NKD2: variants seen among roughly 807,000 people sequenced by gnomAD.
The protein encoded by NKD2 is NKD inhibitor of Wnt signaling pathway 2, also known as protein naked cuticle homolog 2.
NKD2 carries 43 observed loss-of-function variants against 34.8 expected under a neutral mutation model. That is an observed-to-expected ratio of 1.24 (90% CI 0.97 to 1.60). The LOEUF (loss-of-function observed/expected upper bound fraction) is 1.60, where lower values mean the gene tolerates loss of function less well. Ranked by LOEUF, NKD2 falls within the 40% of genes most tolerant of loss-of-function variation. NKD2 has a pLI of 0.00. For missense variants in NKD2, 675 were observed against 627.1 expected, an observed-to-expected ratio of 1.08 and a Z score of -0.82; for synonymous variants, 278 against 265.1, an observed-to-expected ratio of 1.05 and a Z score of -0.47.
intron 3 of NKD2, among the ~76,000 whole-genome samples, chr5:1,014,373 G>A (rs1029364333): frequency 2.0e-5 from 3 of 152,216 alleles, no homozygotes; most frequent in African/African-American, 4.8e-5. Flanking sequence ...ACGCACACGC[G>A]ACTCCTGGGA....
At chr5:1,028,493 C>A (rs1010373375) in intron 3 of NKD2, among the ~76,000 whole-genome samples, 1 of 152,094 alleles carries the variant, frequency 6.6e-6, no homozygotes, top group Admixed American at 6.5e-5. Context: ...GGGATGAGGC[C>A]CCACGGGGCA....
intron 5 of NKD2, 84 bp downstream of exon 5, chr5:1,033,583 G>T (rs866469868): frequency 1.4e-6 from 2 of 1,437,842 alleles, no homozygotes; most frequent in Middle Eastern, 3.8e-4. Context: ...CCTAAACTGG[G>T]CATCTGTGGA....
At position 1,009,145 on chromosome 5, in the gene NKD2, C is replaced by T. The variant is rs1479492401; in HGVS notation, c.26-34C>T. On this transcript the variant is annotated intron_variant, in intron 1 of 9. Coordinates refer to ENST00000296849, the MANE Select transcript of NKD2 (RefSeq NM_033120.4). This position sits in a 1 kb window ranked among gnomAD's most constrained non-coding sequence, Gnocchi z 6.9. The stretch of plus-strand genomic sequence containing the variant: ...CGGGCGTGGGGCCGCCTCTCACTGT[C>T]GTTTTCCTCTCCCCGCGTCCCGCCG... The T allele has an allele frequency of 3.7e-6, 2 of 546,428 alleles. No homozygotes were observed. The highest frequency in any genetic ancestry group is 6.5e-6 in the Non-Finnish European group (2 of 305,742). The allele number at this position is 546,428 out of a possible 1,614,324, so 33.8% of individuals were successfully genotyped here. A position where few individuals can be genotyped will look rare whatever the true frequency, so the allele number is the denominator to read the frequency against.
chr5:1,009,535 C>G lies in NKD2; in HGVS notation c.116C>G (p.Ala39Gly). ...AGCGGCCGCAAAGGCGCGGAGGAAG[C>G]GGAGCGGCGCGCGCGGGACAAGCAG... ...YASGRKGAEEAERRARDKQEL... is the reference protein window; with the variant it reads ...YASGRKGAEEGERRARDKQEL... The change falls in exon 3 of 10, where the codon GCG (alanine) becomes GGG (glycine). Residue 39 changes from alanine (A) to glycine (G), a missense_variant. Ala to Gly is a moderately conservative substitution (Grantham distance 60, BLOSUM62 0). Transcript: ENST00000296849. The surrounding 1 kb of genome is among the most constrained non-coding windows in gnomAD (Gnocchi z 6.9). 1 of 1,492,306 alleles carries G rather than the reference C, an allele frequency of 6.7e-7. No individual in the cohort carries two copies. Among genetic ancestry groups the G allele is most frequent in the Non-Finnish European group, 8.8e-7 (1 of 1,130,008 alleles). The allele number at this position is 1,492,306 out of a possible 1,614,324, so 92.4% of individuals were successfully genotyped here.
intron 3 of NKD2, among the ~76,000 whole-genome samples, chr5:1,013,314 G>C (rs1407137861): frequency 6.6e-6 from 1 of 152,256 alleles, no homozygotes. Context: ...GGCAGCTGCA[G>C]TGTGTCATGG....
chr5:1,009,209 C>A lies in NKD2; in HGVS notation c.56C>A (p.Pro19Gln). ...AAAARKRRES[P>Q]EGDSFVASAY... ...GCCGCCCGCAAGCGGAGAGAGAGCC[C>A]GGAAGGTGAGCGGGCGAGCCGACGG... The change falls in exon 2 of 10, where the codon CCG (proline) becomes CAG (glutamine). Residue 19 changes from proline (P) to glutamine (Q), a missense_variant. Coordinates refer to ENST00000296849, the MANE Select transcript of NKD2 (RefSeq NM_033120.4). This position sits in a 1 kb window ranked among gnomAD's most constrained non-coding sequence, Gnocchi z 6.9. The A allele has an allele frequency of 1.9e-6, 1 of 525,152 alleles. No individual in the cohort carries two copies. The highest frequency in any genetic ancestry group is 2.4e-5 in the South Asian group (1 of 42,074). The allele number at this position is 525,152 out of a possible 1,614,324, so 32.5% of individuals were successfully genotyped here.
rs777858821 is a variant in NKD2 at position 1,035,445 on chromosome 5, G to A, written c.631G>A (p.Ala211Thr). ...EGELAEEPRV[A>T]DRRLSAHVRR... Reference sequence around the variant, plus strand: ...TGAACTGGCAGAGGAGCCAAGGGTGGCTGACAGGAGGTTGTCTGCACACGT... The same window carrying A: ...TGAACTGGCAGAGGAGCCAAGGGTGACTGACAGGAGGTTGTCTGCACACGT... Residue 211 changes from alanine to threonine, a missense_variant, in exon 8 of 10, where the codon GCT (alanine) becomes ACT (threonine). Physicochemically the swap from Ala to Thr is moderately conservative, Grantham distance 58. Coordinates refer to ENST00000296849, the MANE Select transcript of NKD2 (RefSeq NM_033120.4). 1.5e-5 allele frequency: 24 copies of A among 1,557,386 alleles called. No individual in the cohort carries two copies. Among genetic ancestry groups the A allele is most frequent in the Non-Finnish European group, 2.0e-5 (23 of 1,150,534 alleles).
In NKD2 at chr5:1,020,603, C is replaced by G. The variant is rs141189343; in HGVS notation, c.141+11043C>G. Among the ~76,000 whole-genome samples the G allele has an allele frequency of 2.1e-3, 323 of 150,836 alleles. 4 individuals carry two copies. Among genetic ancestry groups the G allele is most frequent in the African/African-American group, 7.4e-3 (301 of 40,898 alleles). On this transcript the variant is annotated intron_variant, in intron 3 of 9. Transcript: ENST00000296849. ...TGCTCCCTGAGTCCCTCTCTCCAAG[C>G]GTGGGGAGAGGGAAGCTCGGCTGCC...
chr5:1,036,822 A>G lies in NKD2; in HGVS notation c.787+438A>G, dbSNP rs990407111. 1.3e-5 allele frequency: 6 copies of G among 455,882 alleles called. No homozygotes were observed. The Admixed American group carries it at 1.4e-4, about 11-fold the overall frequency. 28.2% of individuals were successfully genotyped at this position (455,882 alleles called of 1,614,324 possible). Reference sequence around the variant, plus strand: ...CAACAGGCAGTGTGGACGGCAGGGCAGGCAGTGTGGACAACAGACAGTGTC... The same window carrying G: ...CAACAGGCAGTGTGGACGGCAGGGCGGGCAGTGTGGACAACAGACAGTGTC... On this transcript the variant is annotated intron_variant, in intron 9 of 9. Transcript: ENST00000296849.
chr5:1,028,760 T>C (rs539972406), intron 3 of NKD2, among the ~76,000 whole-genome samples: 1 of 130,312 alleles, frequency 7.7e-6, no homozygotes, highest in East Asian at 2.4e-4. Flanking sequence ...AGGGTCTCGC[T>C]AGGGACAGGG....
In NKD2 at chr5:1,009,593, G is replaced by A. The variant is rs1402452940; in HGVS notation, c.141+33G>A. ...GCGGGGCGGAGGCTGGGGTCGCGCT[G>A]CGCACCCGCCCGGGGGCGGGGAGCG... On this transcript the variant is annotated intron_variant, in intron 3 of 9. Transcript: ENST00000296849. This position sits in a 1 kb window ranked among gnomAD's most constrained non-coding sequence, Gnocchi z 6.9. The A allele has an allele frequency of 2.9e-5, 41 of 1,408,188 alleles. No individual in the cohort carries two copies. Among genetic ancestry groups the A allele is most frequent in the Non-Finnish European group, 3.4e-5 (37 of 1,091,540 alleles). The allele number at this position is 1,408,188 out of a possible 1,614,324, so 87.2% of individuals were successfully genotyped here.
intron 3 of NKD2, among the ~76,000 whole-genome samples, chr5:1,028,055 T>C (rs576272204): frequency 3.8e-4 from 58 of 151,928 alleles, no homozygotes; most frequent in Middle Eastern, 3.4e-3. Context: ...AAGCTGGGGG[T>C]TGAGGTTTTG....
chr5:1,038,331 G>GCACCACCACCACCACCAC lies in NKD2; in HGVS notation c.1324_1341dup (p.His442_His447dup). On this transcript the variant is annotated inframe_insertion, in exon 10 of 10. Coordinates refer to ENST00000296849, the MANE Select transcript of NKD2 (RefSeq NM_033120.4). This position sits in a 1 kb window ranked among gnomAD's most constrained non-coding sequence, Gnocchi z 4.5. ...GGCACGAGCACCACCACCACCACGAGCACCACCACCACCACCACCACCACC... is the reference window on the plus strand; with the variant it reads ...GGCACGAGCACCACCACCACCACGAGCACCACCACCACCACCACCACCACCACCACCACCACCACCACC... 1 of 1,478,470 alleles carries GCACCACCACCACCACCAC rather than the reference G, an allele frequency of 6.8e-7. No individual in the cohort carries two copies. Among genetic ancestry groups the GCACCACCACCACCACCAC allele is most frequent in the African/African-American group, 1.4e-5 (1 of 71,546 alleles). The allele number at this position is 1,478,470 out of a possible 1,614,324, so 91.6% of individuals were successfully genotyped here. A position where few individuals can be genotyped will look rare whatever the true frequency, so the allele number is the denominator to read the frequency against.
At chr5:1,033,645 G>C in intron 5 of NKD2, 146 bp downstream of exon 5, 1 of 1,062,218 alleles carries the variant, frequency 9.4e-7, no homozygotes, top group Non-Finnish European at 1.3e-6. Flanking sequence ...TTAAGGCATT[G>C]AAGCAGAACT....
At chr5:1,027,377 C>G (rs993796386) in intron 3 of NKD2, among the ~76,000 whole-genome samples, 5 of 152,224 alleles carry the variant, frequency 3.3e-5, no homozygotes, top group Non-Finnish European at 5.9e-5. Flanking sequence ...GATAACGTCC[C>G]AGACTTGGGG....
chr5:1,010,175 G>A (rs919038822), intron 3 of NKD2, among the ~76,000 whole-genome samples: 1 of 152,192 alleles, frequency 6.6e-6, no homozygotes, highest in Non-Finnish European at 1.5e-5. Flanking sequence ...GGGTGAGGAA[G>A]GTGCTATGTC....
intron 3 of NKD2, among the ~76,000 whole-genome samples, chr5:1,012,600 C>T (rs1175799825): frequency 1.3e-5 from 2 of 152,272 alleles, no homozygotes; most frequent in African/African-American, 4.8e-5. Flanking sequence ...CCTGCACTGG[C>T]CTCTGGCTTC....
At chr5:1,012,620 A>G (rs972245814) in intron 3 of NKD2, among the ~76,000 whole-genome samples, 1 of 152,132 alleles carries the variant, frequency 6.6e-6, no homozygotes, top group East Asian at 1.9e-4. Context: ...CCAGCAGCAA[A>G]CTCCATCTGC....
Position 1,009,100 on chromosome 5 carries a change from A to T in NKD2, c.25+18A>T, listed in dbSNP as rs1159199611. 1 of 89,372 alleles carries T rather than the reference A, an allele frequency of 1.1e-5. No homozygotes were observed. Among genetic ancestry groups the T allele is most frequent in the East Asian group, 2.4e-4 (1 of 4,232 alleles). 5.5% of individuals were successfully genotyped at this position (89,372 alleles called of 1,614,324 possible). On this transcript the variant is annotated intron_variant, in intron 1 of 9. Transcript: ENST00000296849. The surrounding 1 kb of genome is among the most constrained non-coding windows in gnomAD (Gnocchi z 6.9). ...GAAGCACGGTGAGCCGCGGGCCGGT[A>T]GGGCGGGAGGGCGGGCGGGCGGGCG...
Sources: gnomAD v4.1 joint callset for allele counts (sites outside exome capture counted in the v4.1 genomes callset) on GRCh38, gnomAD v4.1.1 for gene constraint, Gnocchi (gnomAD v3.1) non-coding constraint, MANE v1.5 for transcripts, NCBI Gene and HGNC (gene_info 2026-07-23, HGNC 2026-07-21) for gene names.